CLYBL: variants seen among roughly 807,000 people sequenced by gnomAD.
CLYBL encodes the protein citramalyl-CoA lyase.
Under a neutral mutation model 38.9 loss-of-function variants are expected in CLYBL, and 31 were observed. The observed-to-expected ratio is 0.80, with a 90% CI of 0.60 to 1.08. The LOEUF (loss-of-function observed/expected upper bound fraction) is 1.08, where lower values mean the gene tolerates loss of function less well. Ranked by LOEUF, CLYBL falls within the 50% of genes least tolerant of loss-of-function variation. The probability of loss-of-function intolerance (pLI) is 0.00; values close to 1 mark genes in which losing one functional copy is unlikely to be tolerated. For synonymous variants in CLYBL, 171 were observed against 158.6 expected, an observed-to-expected ratio of 1.08 and a Z score of -0.59; for missense variants, 434 against 411.6, an observed-to-expected ratio of 1.05 and a Z score of -0.47.
chr13:99,724,448 G>A (rs2048439166), intron 1 of CLYBL, among the ~76,000 whole-genome samples: 1 of 151,944 alleles, frequency 6.6e-6, no homozygotes, highest in African/African-American at 2.4e-5. Context: ...TTCACACCAG[G>A]CAGGGTTGGC....
At chr13:99,880,316 C>T (rs957656222) in intron 7 of CLYBL, among the ~76,000 whole-genome samples, 38 of 152,156 alleles carry the variant, frequency 2.5e-4, no homozygotes, top group African/African-American at 7.7e-4. Context: ...CTGCCCGCTT[C>T]GGCCTCCCAA....
rs572255395 is a variant in CLYBL at position 99,810,204 on chromosome 13, C to A, written c.249+37194C>A. ...AAGTAAGTGTAGCTCCTCTCCTCTC[C>A]GGGCTTATGGCTGGTGAGACAGACA... On this transcript the variant is annotated intron_variant, in intron 2 of 8. Coordinates refer to ENST00000339105, the MANE Select transcript of CLYBL (RefSeq NM_206808.5). Among the ~76,000 whole-genome samples, 19 of 152,224 alleles carry A rather than the reference C, an allele frequency of 1.2e-4. 1 individual carries two copies. Among genetic ancestry groups the A allele is most frequent in the South Asian group, 4.1e-4 (2 of 4,828 alleles).
intron 2 of CLYBL, among the ~76,000 whole-genome samples, chr13:99,855,302 G>T (rs1444029226): frequency 1.3e-5 from 2 of 152,088 alleles, no homozygotes; most frequent in Non-Finnish European, 2.9e-5. Context: ...CCCCATAAAA[G>T]CTCTTTTTGG....
At chr13:99,749,848 C>CA (rs373704722) in intron 1 of CLYBL, among the ~76,000 whole-genome samples, 1,918 of 149,666 alleles carry the variant, frequency 0.013, 18 homozygotes, top group Non-Finnish European at 0.019. Context: ...CCATAGTAAC[C>CA]AAAAAAAAAT....
At chr13:99,670,316 C>T (rs1594111036) in intron 1 of CLYBL, among the ~76,000 whole-genome samples, 1 of 152,300 alleles carries the variant, frequency 6.6e-6, no homozygotes. Flanking sequence ...ATGATTGCGT[C>T]TGTGAATAGC....
chr13:99,733,713 A>C (rs1457620103), intron 1 of CLYBL, among the ~76,000 whole-genome samples: 1 of 152,246 alleles, frequency 6.6e-6, no homozygotes, highest in Non-Finnish European at 1.5e-5. Flanking sequence ...CCTTCTGAAC[A>C]ACTGGAATTA....
At chr13:99,687,759 A>G (rs1177834979) in intron 1 of CLYBL, among the ~76,000 whole-genome samples, 1 of 152,218 alleles carries the variant, frequency 6.6e-6, no homozygotes, top group Non-Finnish European at 1.5e-5. Context: ...AAGCAATTGG[A>G]TAAAATGCAC....
chr13:99,728,940 G>A (rs2048532776), intron 1 of CLYBL, among the ~76,000 whole-genome samples: 2 of 152,110 alleles, frequency 1.3e-5, no homozygotes, highest in Non-Finnish European at 2.9e-5. Flanking sequence ...AGCAATTTTC[G>A]ACATATTCAA....
chr13:99,645,996 T>G (rs1032902452), intron 1 of CLYBL, among the ~76,000 whole-genome samples: 1 of 152,172 alleles, frequency 6.6e-6, no homozygotes, highest in Non-Finnish European at 1.5e-5. Flanking sequence ...AGAAATTCCC[T>G]AATTTAAACT....
intron 1 of CLYBL, among the ~76,000 whole-genome samples, chr13:99,655,930 G>T (rs2139315735): frequency 6.6e-6 from 1 of 152,218 alleles, no homozygotes; most frequent in South Asian, 2.1e-4. Context: ...TAGGCGGCAG[G>T]GCGCACTTTT....
chr13:99,826,678 A>T (rs1566343213), intron 2 of CLYBL, among the ~76,000 whole-genome samples: 1 of 152,240 alleles, frequency 6.6e-6, no homozygotes, highest in Non-Finnish European at 1.5e-5. Context: ...TAAAACTAAG[A>T]TACATATTTT....
chr13:99,692,984 T>G (rs995676871), intron 1 of CLYBL, among the ~76,000 whole-genome samples: 9 of 152,220 alleles, frequency 5.9e-5, no homozygotes, highest in Non-Finnish European at 8.8e-5. Context: ...GGATATTTTT[T>G]GGGGGATATC....
At chr13:99,626,338 G>A (rs1404247508) in intron 1 of CLYBL, among the ~76,000 whole-genome samples, 1 of 152,200 alleles carries the variant, frequency 6.6e-6, no homozygotes, top group Non-Finnish European at 1.5e-5. Flanking sequence ...TGAGAGCGGG[G>A]GAGGTTGAGG....
At chr13:99,726,994 A>G (rs1377364166) in intron 1 of CLYBL, among the ~76,000 whole-genome samples, 1 of 151,898 alleles carries the variant, frequency 6.6e-6, no homozygotes, top group Non-Finnish European at 1.5e-5. Flanking sequence ...CCCCATCTCT[A>G]CTCAAAGTTC....
intron 1 of CLYBL, among the ~76,000 whole-genome samples, chr13:99,728,721 C>G (rs2048528155): frequency 6.6e-6 from 1 of 151,984 alleles, no homozygotes; most frequent in Non-Finnish European, 1.5e-5. Flanking sequence ...CACCACCATG[C>G]CTGGCTACTG....
At position 99,707,048 on chromosome 13, in the gene CLYBL, A is replaced by G. The variant is rs754112449; in HGVS notation, c.63-65776A>G. Among the ~76,000 whole-genome samples, 13 of 152,228 alleles carry G rather than the reference A, an allele frequency of 8.5e-5. No homozygotes were observed. In the South Asian group the frequency reaches 2.3e-3, roughly 27 times the overall value. On this transcript the variant is annotated intron_variant, in intron 1 of 8. Transcript: ENST00000339105. ...TTTGATTTTAAACATATTAGGCATC[A>G]CACTAAGCCCCCAAGACAAGATAGA... is the stretch of plus-strand genomic sequence containing the variant.
rs764705741 is a variant in CLYBL, at chr13:99,731,082, CAAAAAAAAA to C, written c.63-41726_63-41718del. Among the ~76,000 whole-genome samples the C allele has an allele frequency of 5.3e-5, 3 of 57,016 alleles. 1 individual carries two copies. Among genetic ancestry groups the C allele is most frequent in the African/African-American group, 2.3e-4 (3 of 13,116 alleles). The allele number at this position is 57,016 out of a possible 152,430, so 37.4% of individuals were successfully genotyped here. A position where few individuals can be genotyped will look rare whatever the true frequency, so the allele number is the denominator to read the frequency against. ...TGGGTGACAGAGTGAGACTCTGTTT[CAAAAAAAAA>C]AAAAAAAAAAAAAAAGGCGGGGGCT... On this transcript the variant is annotated intron_variant, in intron 1 of 8. Coordinates refer to ENST00000339105, the MANE Select transcript of CLYBL (RefSeq NM_206808.5).
At chr13:99,805,587 G>A (rs899733979) in intron 2 of CLYBL, among the ~76,000 whole-genome samples, 2 of 151,980 alleles carry the variant, frequency 1.3e-5, no homozygotes, top group African/African-American at 2.4e-5. Context: ...GAGGGGGTGG[G>A]GGAGGGGACT....
rs538509526 is a variant in CLYBL at position 99,741,925 on chromosome 13, C to T, written c.63-30899C>T. 7.2e-5 allele frequency among the ~76,000 whole-genome samples: 11 copies of T among 152,252 alleles called. No individual in the cohort carries two copies. The South Asian group carries it at 1.5e-3, about 20-fold the overall frequency. ...ATTCTACCATTCTGCATCAGTAGTT[C>T]GTATGAGGTTGTACTTTTGCCTTTG... On this transcript the variant is annotated intron_variant, in intron 1 of 8. Coordinates refer to ENST00000339105, the MANE Select transcript of CLYBL (RefSeq NM_206808.5).
Sources: allele counts gnomAD v4.1 joint callset (sites outside exome capture counted in the v4.1 genomes callset), GRCh38; gene constraint gnomAD v4.1.1; transcripts MANE v1.5; gene names NCBI Gene and HGNC (gene_info 2026-07-23, HGNC 2026-07-21).